Variants in ZDHHC21 observed in about 807,000 individuals in gnomAD.
The protein encoded by ZDHHC21 is zDHHC palmitoyltransferase 21, also known as palmitoyltransferase ZDHHC21.
In ZDHHC21, 15 loss-of-function variants were observed where a neutral mutation model predicts 34.6. The observed-to-expected ratio is 0.43, with a 90% CI of 0.29 to 0.67. The LOEUF (loss-of-function observed/expected upper bound fraction) is 0.67, where lower values mean the gene tolerates loss of function less well. ZDHHC21 is among the 30% of genes least tolerant of loss of function. The probability of loss-of-function intolerance (pLI) is 0.14; values close to 1 mark genes in which losing one functional copy is unlikely to be tolerated. For missense variants in ZDHHC21, 344 were observed against 327.7 expected (o/e 1.05, Z -0.38); for synonymous variants, 142 against 101.8 (o/e 1.40, Z -2.38).
At chr9:14,602,678 G>T in the ZDHHC21 span, among the ~76,000 whole-genome samples, 7 of 152,094 alleles carry the variant, frequency 4.6e-5, no homozygotes, top group African/African-American at 1.7e-4. Context: ...AAAATGGGAT[G>T]ACATTTTTAA....
intron 2 of ZDHHC21, among the ~76,000 whole-genome samples, chr9:14,682,145 T>G (rs1837494565): frequency 6.6e-6 from 1 of 152,040 alleles, no homozygotes; most frequent in Non-Finnish European, 1.5e-5. Context: ...ACAAGCAAAA[T>G]AACCAGCTAA....
chr9:14,604,453 A>T, the ZDHHC21 span, among the ~76,000 whole-genome samples: 27 of 152,318 alleles, frequency 1.8e-4, no homozygotes, highest in African/African-American at 6.5e-4. Context: ...GATGCTACAT[A>T]CATCATAAAA....
intron 2 of ZDHHC21, among the ~76,000 whole-genome samples, chr9:14,680,996 G>A (rs1267346341): frequency 1.3e-5 from 2 of 152,108 alleles, no homozygotes; most frequent in Non-Finnish European, 2.9e-5. Context: ...CAAGACAACA[G>A]AATAAGCAAA....
intron 5 of ZDHHC21, among the ~76,000 whole-genome samples, chr9:14,671,528 T>A (rs1835434597): frequency 6.6e-6 from 1 of 152,202 alleles, no homozygotes; most frequent in African/African-American, 2.4e-5. Flanking sequence ...AGTGAATACA[T>A]GACCCTGATT....
chr9:14,637,931 T>C (rs994586201), intron 8 of ZDHHC21, among the ~76,000 whole-genome samples: 2 of 151,968 alleles, frequency 1.3e-5, no homozygotes, highest in African/African-American at 2.4e-5. Context: ...AGAAGAATTA[T>C]TGTTAAATGA....
At position 14,640,031 on chromosome 9, in the gene ZDHHC21, T is replaced by C; in HGVS notation, c.505-19A>G. 2.0e-6 allele frequency: 3 copies of C among 1,501,012 alleles called. No homozygotes were observed. Among genetic ancestry groups the C allele is most frequent in the Non-Finnish European group, 2.8e-6 (3 of 1,090,440 alleles). The allele number at this position is 1,501,012 out of a possible 1,614,324, so 93.0% of individuals were successfully genotyped here. A position where few individuals can be genotyped will look rare whatever the true frequency, so the allele number is the denominator to read the frequency against. On this transcript the variant is annotated intron_variant, in intron 7 of 9. Coordinates refer to ENST00000380916, the MANE Select transcript of ZDHHC21 (RefSeq NM_178566.6). ...AGAGGTCCTAAAAAGAAAAAGAAAG[T>C]CTTAAAAACCATTCAGAGTTGCTTA...
intron 7 of ZDHHC21, among the ~76,000 whole-genome samples, chr9:14,653,936 A>T (rs946538658): frequency 1.3e-5 from 2 of 152,078 alleles, no homozygotes; most frequent in African/African-American, 2.4e-5. Context: ...AGATACTGGC[A>T]AGTAGCCAAA....
At chr9:14,661,273 C>T (rs944603404) in intron 6 of ZDHHC21, among the ~76,000 whole-genome samples, 3 of 143,400 alleles carry the variant, frequency 2.1e-5, no homozygotes, top group African/African-American at 8.0e-5. Flanking sequence ...AATAACTGTG[C>T]TATCAAAATA....
At chr9:14,628,355 G>C (rs536159242) in intron 8 of ZDHHC21, among the ~76,000 whole-genome samples, 1 of 152,114 alleles carries the variant, frequency 6.6e-6, no homozygotes, top group Non-Finnish European at 1.5e-5. Flanking sequence ...TGAGATAAAT[G>C]ATTTATTTAT....
chr9:14,644,662 C>T lies in ZDHHC21; in HGVS notation c.505-4650G>A, dbSNP rs117572947. Among the ~76,000 whole-genome samples the T allele has an allele frequency of 8.3e-3, 1,261 of 151,920 alleles. 12 individuals are homozygous for T. Among genetic ancestry groups the T allele is most frequent in the Middle Eastern group, 0.024 (7 of 294 alleles). On this transcript the variant is annotated intron_variant, in intron 7 of 9. Transcript: ENST00000380916. ...GCTCTATTTGAATTTTTTTTCTAAT[C>T]TGTTAATGTGATAAAATATACTGAC... is the stretch of plus-strand genomic sequence containing the variant.
At chr9:14,602,533 C>T in the ZDHHC21 span, among the ~76,000 whole-genome samples, 3 of 151,652 alleles carry the variant, frequency 2.0e-5, no homozygotes, top group East Asian at 5.8e-4. Context: ...AATGCACACA[C>T]CATATAGTCA....
intron 8 of ZDHHC21, among the ~76,000 whole-genome samples, chr9:14,630,432 C>A (rs556019708): frequency 1.6e-4 from 24 of 152,192 alleles, no homozygotes; most frequent in Admixed American, 9.8e-4. Context: ...TCTTTAGTTA[C>A]CACCTCCACT....
intron 7 of ZDHHC21, among the ~76,000 whole-genome samples, chr9:14,650,768 A>G (rs1039910616): frequency 6.6e-6 from 1 of 151,992 alleles, no homozygotes; most frequent in Non-Finnish European, 1.5e-5. Context: ...AATAATAATA[A>G]TGTATCTTCC....
chr9:14,658,509 C>CGCCCAGGTTGGAGTGCAGTG (rs1224621009), intron 7 of ZDHHC21, among the ~76,000 whole-genome samples: 247 of 110,666 alleles, frequency 2.2e-3, no homozygotes, highest in Admixed American at 6.7e-3. Context: ...GTCTCGCTGT[C>CGCCCAGGTTGGAGTGCAGTG]GCCCAGGTTG....
chr9:14,640,473 T>C (rs1294503901), intron 7 of ZDHHC21, among the ~76,000 whole-genome samples: 1 of 152,098 alleles, frequency 6.6e-6, no homozygotes, highest in East Asian at 1.9e-4. Context: ...GACCAAGATA[T>C]CTAGAAATCA....
At chr9:14,630,053 C>G (rs1020938951) in intron 8 of ZDHHC21, among the ~76,000 whole-genome samples, 4 of 152,090 alleles carry the variant, frequency 2.6e-5, no homozygotes, top group Non-Finnish European at 5.9e-5. Context: ...CCAAAACAAA[C>G]AAACAAGCAA....
At chr9:14,634,124 C>T (rs1166455450) in intron 8 of ZDHHC21, among the ~76,000 whole-genome samples, 1 of 152,192 alleles carries the variant, frequency 6.6e-6, no homozygotes, top group East Asian at 1.9e-4. Flanking sequence ...GAACACTCCT[C>T]TCAGGGGCCA....
intron 8 of ZDHHC21, among the ~76,000 whole-genome samples, chr9:14,624,708 G>T (rs1825908228): frequency 6.6e-6 from 1 of 152,070 alleles, no homozygotes; most frequent in Admixed American, 6.6e-5. Flanking sequence ...AATTAGAAAG[G>T]AGTAATAAAT....
chr9:14,599,552 G>GT, the ZDHHC21 span, among the ~76,000 whole-genome samples: 1,361 of 147,116 alleles, frequency 9.3e-3, 18 homozygotes, highest in African/African-American at 0.027. Flanking sequence ...AGCTGCAGGA[G>GT]TTTTTTTTTT....
Sources: allele counts gnomAD v4.1 joint callset (sites outside exome capture counted in the v4.1 genomes callset), GRCh38; gene constraint gnomAD v4.1.1; transcripts MANE v1.5; gene names NCBI Gene and HGNC (gene_info 2026-07-23, HGNC 2026-07-21).